Variants in MARF1 observed in about 807,000 individuals in gnomAD.
MARF1 encodes the protein limkain-b1.
A neutral mutation model predicts 168.2 loss-of-function variants in MARF1; 24 were observed. The observed-to-expected ratio is 0.14, with a 90% CI of 0.10 to 0.20. The LOEUF is 0.20. Ranked by LOEUF, MARF1 falls within the 10% of genes least tolerant of loss-of-function variation. The pLI is 1.00. For missense variants in MARF1, 1,744 were observed against 2,143.6 expected (o/e 0.81, Z 3.68); for synonymous variants, 868 against 822.4 (o/e 1.06, Z -0.95).
At chr16:15,605,331 T>C (rs1223752150) in intron 21 of MARF1, among the ~76,000 whole-genome samples, 1 of 152,132 alleles carries the variant, frequency 6.6e-6, no homozygotes, top group African/African-American at 2.4e-5. Flanking sequence ...CCGTGGATTC[T>C]GAGAGGCAGA....
intron 20 of MARF1, 33 bp from the exon 21 acceptor site, chr16:15,608,551 A>G (rs1478948384): frequency 1.3e-6 from 2 of 1,523,124 alleles, no homozygotes; most frequent in Non-Finnish European, 9.1e-7. Flanking sequence ...GAAAGGGAAA[A>G]TAAACAAATC....
At position 15,604,202 on chromosome 16, in the gene MARF1, G is replaced by C. The variant is rs1264892329; in HGVS notation, c.4379C>G (p.Thr1460Ser). ...NPCEYGFMTL[T>S]ELLKSLPYLV... is the part of the protein sequence containing the mutation. Reference sequence around the variant, plus strand: ...GTATGGCAGGCTCTTCAGCAGTTCGGTCAAGGTCATGAATCCATATTCACA... The same window carrying C: ...GTATGGCAGGCTCTTCAGCAGTTCGCTCAAGGTCATGAATCCATATTCACA... The change falls in exon 22 of 27, where the codon ACC becomes AGC. Residue 1460 changes from threonine to serine, a missense_variant. Physicochemically the swap from Thr to Ser is moderately conservative, Grantham distance 58. Around this residue, in one of 7 missense-constraint regions of MARF1, gnomAD observed 9 missense variants for 27.7 expected, o/e 0.32. Transcript: ENST00000396368. 1.2e-6 allele frequency: 2 copies of C among 1,614,132 alleles called. No individual in the cohort carries two copies.
chr16:15,636,267 G>T lies in MARF1; in HGVS notation c.220C>A (p.Leu74Ile). ...VPSPLHAGSKLFPAVPLPDIR... is the reference protein window; with the variant it reads ...VPSPLHAGSKIFPAVPLPDIR... ...TCAGGAAGTGGGACTGCTGGAAAAAGCTTAGAGCCAGCATGAAGGGGTGAT... is the reference window on the plus strand; with the variant it reads ...TCAGGAAGTGGGACTGCTGGAAAAATCTTAGAGCCAGCATGAAGGGGTGAT... The change falls in exon 3 of 27, where the codon CTT (leucine) becomes ATT (isoleucine). Residue 74 changes from leucine to isoleucine, a missense_variant. By Grantham distance (5) the Leu-to-Ile change is conservative (BLOSUM62 2). Transcript: ENST00000396368. 6.2e-7 allele frequency: 1 copy of T among 1,613,564 alleles called. No homozygotes were observed. The highest frequency in any genetic ancestry group is 8.5e-7 in the Non-Finnish European group (1 of 1,179,672).
chr16:15,627,733 G>A (rs1368612468), intron 7 of MARF1, among the ~76,000 whole-genome samples: 1 of 152,064 alleles, frequency 6.6e-6, no homozygotes, highest in Non-Finnish European at 1.5e-5. Context: ...ACTAACAACA[G>A]GCAAAGGATG....
chr16:15,610,103 G>A (rs28415077), intron 19 of MARF1, among the ~76,000 whole-genome samples: 25,133 of 152,072 alleles, frequency 0.17, 3,652 homozygotes, highest in African/African-American at 0.4. Context: ...ATGAAATCAC[G>A]CTTCTGAATA....
chr16:15,624,061 A>G (rs1304395979), intron 10 of MARF1, among the ~76,000 whole-genome samples: 1 of 151,804 alleles, frequency 6.6e-6, no homozygotes, highest in African/African-American at 2.4e-5. Flanking sequence ...GCAGGCACTC[A>G]CTACCACGCC....
intron 11 of MARF1, 140 bp from the exon 12 acceptor site, chr16:15,622,051 C>T (rs1332401636): frequency 8.3e-6 from 6 of 720,972 alleles, no homozygotes; most frequent in Non-Finnish European, 1.1e-5. Context: ...TGCTCTTCTG[C>T]TGACCAGGAC....
chr16:15,608,533 G>A lies in MARF1; in HGVS notation c.3955-15C>T, dbSNP rs769257378. 90 of 1,572,452 alleles carry A rather than the reference G, an allele frequency of 5.7e-5. No individual in the cohort carries two copies. The Admixed American group carries it at 1.4e-3, about 24-fold the overall frequency. On this transcript the variant is annotated splice_polypyrimidine_tract_variant and intron_variant, in intron 20 of 26. Transcript: ENST00000396368. Reference sequence around the variant, plus strand: ...CATTCCAATACCTTTGAAAACACACGGGGGGAGGAAAGGGAAAATAAACAA... The same window carrying A: ...CATTCCAATACCTTTGAAAACACACAGGGGGAGGAAAGGGAAAATAAACAA...
chr16:15,612,613 C>A lies in MARF1; in HGVS notation c.3418G>T (p.Asp1140Tyr). The change falls in exon 17 of 27, where the codon GAC (aspartate) becomes TAC (tyrosine). Residue 1140 changes from aspartate (D) to tyrosine (Y), a missense_variant. Asp to Tyr is a radical substitution (Grantham distance 160, BLOSUM62 -3). Around this residue, in one of 7 missense-constraint regions of MARF1, gnomAD observed 543 missense variants for 742.1 expected, o/e 0.73. Transcript: ENST00000396368. ...TCAATCAGCTTGGAGTATCCGTAGT[C>A]TGACACTCGGCACTGCTTTGCAAAA... ...HHFAKQCRVS[D>Y]YGYSKLIELL... is the part of the protein sequence containing the mutation. 6.2e-7 allele frequency: 1 copy of A among 1,614,158 alleles called. No individual in the cohort carries two copies. The highest frequency in any genetic ancestry group is 8.5e-7 in the Non-Finnish European group (1 of 1,180,040).
intron 6 of MARF1, among the ~76,000 whole-genome samples, chr16:15,631,118 G>GA (rs1256412092): frequency 6.6e-6 from 1 of 151,916 alleles, no homozygotes; most frequent in African/African-American, 2.4e-5. Context: ...CAACAAAAGC[G>GA]AAACTCCATC....
At chr16:15,602,696 C>T (rs535516102) in intron 22 of MARF1, 189 of 451,846 alleles carry the variant, frequency 4.2e-4, no homozygotes, top group Non-Finnish European at 6.9e-4. Context: ...AAGGCTATAG[C>T]CTCCAGCAAA....
Position 15,621,783 on chromosome 16 carries a change from G to C in MARF1, c.2589C>G (p.Ile863Met). The change falls in exon 12 of 27, where the codon ATC (isoleucine) becomes ATG (methionine). Residue 863 changes from isoleucine to methionine, a missense_variant. Around this residue, in one of 7 missense-constraint regions of MARF1, gnomAD observed 543 missense variants for 742.1 expected, o/e 0.73. Coordinates refer to ENST00000396368, the MANE Select transcript of MARF1 (RefSeq NM_014647.4). Reference protein sequence around the residue: ...LHRYKIGSKKILVSLATGAAS... With the variant: ...LHRYKIGSKKMLVSLATGAAS... ...CAGCCCCGGTGGCAAGTGAGACCAG[G>C]ATCTTTTTGCTGCCAATTTTGTATC... is the stretch of plus-strand genomic sequence containing the variant. 6.2e-7 allele frequency: 1 copy of C among 1,614,126 alleles called. No homozygotes were observed. The highest frequency in any genetic ancestry group is 8.5e-7 in the Non-Finnish European group (1 of 1,180,014).
At chr16:15,632,629 C>G (rs976552355) in intron 5 of MARF1, among the ~76,000 whole-genome samples, 1 of 152,034 alleles carries the variant, frequency 6.6e-6, no homozygotes, top group Non-Finnish European at 1.5e-5. Context: ...CTATCAGGCT[C>G]GCATATAAGT....
chr16:15,611,477 T>C, intron 18 of MARF1, 115 bp downstream of exon 18: 2 of 679,374 alleles, frequency 2.9e-6, no homozygotes, highest in Non-Finnish European at 4.6e-6. Context: ...AAAAAACTAC[T>C]ACAAGTTTTC....
chr16:15,622,484 C>T (rs779122377), intron 11 of MARF1, among the ~76,000 whole-genome samples: 3 of 151,964 alleles, frequency 2.0e-5, no homozygotes, highest in African/African-American at 4.8e-5. Context: ...CTCTGCCTCC[C>T]GTGTTTAAGC....
Position 15,620,435 on chromosome 16 carries a change from A to G in MARF1, c.2720+16T>C. The G allele has an allele frequency of 1.3e-6, 2 of 1,570,602 alleles. No homozygotes were observed. The highest frequency in any genetic ancestry group is 1.8e-6 in the Non-Finnish European group (2 of 1,142,112). On this transcript the variant is annotated intron_variant, in intron 13 of 26. Coordinates refer to ENST00000396368, the MANE Select transcript of MARF1 (RefSeq NM_014647.4). ...ATCAGTACTGACTGGATAAAGAAAAAATATACCTAACTTACTTTTTTTCAT... is the reference window on the plus strand; with the variant it reads ...ATCAGTACTGACTGGATAAAGAAAAGATATACCTAACTTACTTTTTTTCAT...
At chr16:15,637,715 C>G (rs2035687728) in intron 2 of MARF1, among the ~76,000 whole-genome samples, 1 of 152,162 alleles carries the variant, frequency 6.6e-6, no homozygotes, top group Non-Finnish European at 1.5e-5. Flanking sequence ...TCTACCACCC[C>G]ATCCCAGGAA....
At position 15,639,143 on chromosome 16, in the gene MARF1, AT is replaced by A; in HGVS notation, c.90del (p.Lys30AsnfsTer32). 1 of 1,614,166 alleles carries A rather than the reference AT, an allele frequency of 6.2e-7. No homozygotes were observed. Among genetic ancestry groups the A allele is most frequent in the Non-Finnish European group, 8.5e-7 (1 of 1,180,016 alleles). On this transcript the variant is annotated frameshift_variant, in exon 2 of 27. Coordinates refer to ENST00000396368, the MANE Select transcript of MARF1 (RefSeq NM_014647.4). LOFTEE classifies it high-confidence loss of function. The part of the protein sequence containing the change: ...QDNDAKPWLW[K>X]FSNCFSRPEQ... ...TCAGGACGAGAAAAGCAATTAGAGA[AT>A]TTCCAAAGCCATGGCTTAGCATCAT...
intron 1 of MARF1, among the ~76,000 whole-genome samples, chr16:15,639,834 C>A (rs1238704167): frequency 6.6e-6 from 1 of 152,176 alleles, no homozygotes; most frequent in Non-Finnish European, 1.5e-5. Context: ...AATCTAACTG[C>A]AACAACCTGA....
Sources: allele counts gnomAD v4.1 joint callset (sites outside exome capture counted in the v4.1 genomes callset), GRCh38; gene constraint gnomAD v4.1.1; regional missense constraint gnomAD v4.1.1; transcripts MANE v1.5; gene names NCBI Gene and HGNC (gene_info 2026-07-23, HGNC 2026-07-21).